CEP290: variants seen among roughly 807,000 people sequenced by gnomAD.
CEP290 encodes centrosomal protein of 290 kDa.
In CEP290, 317 loss-of-function variants were observed where a neutral mutation model predicts 344.9. The observed-to-expected ratio is 0.92, with a 90% CI of 0.84 to 1.01. The LOEUF (loss-of-function observed/expected upper bound fraction) is 1.01, where lower values mean the gene tolerates loss of function less well. Among genes scored for constraint, CEP290 ranks in the 50% least tolerant of loss-of-function variants. CEP290 has a pLI of 0.00. For missense variants in CEP290, 2,754 were observed against 2,761.4 expected (o/e 1.00, Z 0.06); for synonymous variants, 932 against 895.8 (o/e 1.04, Z -0.72).
chr12:88,061,316 CAG>C (rs1399477699), intron 46 of CEP290, among the ~76,000 whole-genome samples: 3 of 152,086 alleles, frequency 2.0e-5, no homozygotes, highest in South Asian at 4.1e-4. Flanking sequence ...TCCAGTATAT[CAG>C]AGTTTTTCTT....
chr12:88,063,833 C>T, intron 45 of CEP290, 148 bp downstream of exon 45: 2 of 646,388 alleles, frequency 3.1e-6, no homozygotes, highest in Non-Finnish European at 4.9e-6. Flanking sequence ...CAAATAAATG[C>T]TAAAGAGCAA....
chr12:88,115,804 C>G, intron 18 of CEP290: 2 of 984,182 alleles, frequency 2.0e-6, no homozygotes, highest in Non-Finnish European at 2.4e-6. Context: ...CGTAACTGTT[C>G]TATAAGATTT....
intron 26 of CEP290, among the ~76,000 whole-genome samples, 156 bp from the exon 27 acceptor site, chr12:88,097,155 TACAA>T (rs986480539): frequency 2.0e-4 from 31 of 152,122 alleles, no homozygotes; most frequent in African/African-American, 4.1e-4. Context: ...CATGTATGCA[TACAA>T]ACACATACAT....
chr12:88,050,066 A>G (rs886413079), intron 53 of CEP290: 2 of 232,512 alleles, frequency 8.6e-6, no homozygotes, highest in Admixed American at 5.9e-5. Flanking sequence ...CAAAAAAAAA[A>G]TAAAGACACT....
rs1465414886 is a variant in CEP290 at position 88,118,660 on chromosome 12, G to A, written c.1606C>T (p.Gln536Ter). The change falls in exon 16 of 54, where the codon CAG becomes TAG. Residue 536 changes from glutamine to a stop codon, truncating the protein, a stop_gained. Coordinates refer to ENST00000552810, the MANE Select transcript of CEP290 (RefSeq NM_025114.4). LOFTEE classifies it high-confidence loss of function. ...ACACTTGCCTCTTTCAAAAGAATCTGGTTTTCAGCTCTGTACTGCTGCTGT... is the reference window on the plus strand; with the variant it reads ...ACACTTGCCTCTTTCAAAAGAATCTAGTTTTCAGCTCTGTACTGCTGCTGT... ...LKQQQYRAEN[Q>*]ILLKEIESLE... 1 of 1,613,050 alleles carries A rather than the reference G, an allele frequency of 6.2e-7. No individual in the cohort carries two copies.
intron 46 of CEP290, 144 bp from the exon 47 acceptor site, chr12:88,061,138 TTCTA>T: frequency 1.7e-6 from 1 of 585,354 alleles, no homozygotes; most frequent in Non-Finnish European, 2.7e-6. Flanking sequence ...CTTAAAACAA[TTCTA>T]TGAGATAGGA....
At chr12:88,132,636 GT>G (rs1449555886) in intron 6 of CEP290, among the ~76,000 whole-genome samples, 2 of 152,264 alleles carry the variant, frequency 1.3e-5, no homozygotes, top group East Asian at 3.9e-4. Flanking sequence ...ACATGTGTGT[GT>G]AAAAATACTG....
chr12:88,120,970 C>G, intron 14 of CEP290, 27 bp downstream of exon 14: 1 of 1,591,536 alleles, frequency 6.3e-7, no homozygotes, highest in South Asian at 1.1e-5. Flanking sequence ...TTCTAAGCTC[C>G]TTGAATGACA....
chr12:88,134,866 GC>G (rs1366981186), intron 6 of CEP290, among the ~76,000 whole-genome samples: 5 of 152,102 alleles, frequency 3.3e-5, no homozygotes, highest in African/African-American at 1.2e-4. Flanking sequence ...CTAGGTCTTA[GC>G]AAATGCTATA....
In CEP290 at chr12:88,083,921, CT is replaced by C. The variant is rs1304430926; in HGVS notation, c.4737del (p.Asp1580ThrfsTer9). ...EQREIVKKHE[E>X]DLHILHHRLE... is the part of the protein sequence containing the mutation. ...AATCTGTGATGAAGAATATGAAGGT[CT>C]TCCTCATGTTTCTTCACAATTTCTC... On this transcript the variant is annotated frameshift_variant, in exon 36 of 54. Transcript: ENST00000552810. LOFTEE classifies it high-confidence loss of function. 1 of 1,596,604 alleles carries C rather than the reference CT, an allele frequency of 6.3e-7. No homozygotes were observed. Among genetic ancestry groups the C allele is most frequent in the Admixed American group, 1.7e-5 (1 of 57,904 alleles).
In CEP290 at chr12:88,083,831, G is replaced by C. The variant is rs1477097218; in HGVS notation, c.4812+16C>G. Reference sequence around the variant, plus strand: ...AAAAATCAATAAAGAATGGAACAAAGTTCTTAGAATCTTACCCAAGCCGTT... The same window carrying C: ...AAAAATCAATAAAGAATGGAACAAACTTCTTAGAATCTTACCCAAGCCGTT... On this transcript the variant is annotated intron_variant, in intron 36 of 53. Transcript: ENST00000552810. The C allele has an allele frequency of 2.1e-6, 3 of 1,462,550 alleles. No homozygotes were observed. The highest frequency in any genetic ancestry group is 1.9e-6 in the Non-Finnish European group (2 of 1,068,090). The allele number at this position is 1,462,550 out of a possible 1,614,324, so 90.6% of individuals were successfully genotyped here. A position where few individuals can be genotyped will look rare whatever the true frequency, so the allele number is the denominator to read the frequency against.
In CEP290 at chr12:88,120,219, T is replaced by G; in HGVS notation, c.1417A>C (p.Lys473Gln). The G allele has an allele frequency of 6.6e-7, 1 of 1,514,060 alleles. No individual in the cohort carries two copies. The highest frequency in any genetic ancestry group is 8.9e-7 in the Non-Finnish European group (1 of 1,125,316). 93.8% of individuals were successfully genotyped at this position (1,514,060 alleles called of 1,614,324 possible). A position where few individuals can be genotyped will look rare whatever the true frequency, so the allele number is the denominator to read the frequency against. ...VEIKNCKNQI[K>Q]IRDREIEILT... ...ATTTCAATCTCTCGATCTCTTATTT[T>G]AATTTGGTTTTTACAATTCTTTATT... is the stretch of plus-strand genomic sequence containing the variant. Residue 473 changes from lysine (K) to glutamine (Q), a missense_variant, in exon 15 of 54, where the codon AAA becomes CAA. By Grantham distance (53) the Lys-to-Gln change is moderately conservative. Transcript: ENST00000552810.
At chr12:88,070,791 G>A (rs2035313585) in intron 43 of CEP290, among the ~76,000 whole-genome samples, 3 of 152,090 alleles carry the variant, frequency 2.0e-5, no homozygotes, top group Non-Finnish European at 2.9e-5. Context: ...AGGAGCTCAA[G>A]AAAGGGACCC....
chr12:88,057,424 G>C (rs1044136054), intron 49 of CEP290, among the ~76,000 whole-genome samples: 4 of 152,174 alleles, frequency 2.6e-5, no homozygotes, highest in Non-Finnish European at 5.9e-5. Flanking sequence ...GTCCACATGT[G>C]ATTATAGAAG....
intron 23 of CEP290, among the ~76,000 whole-genome samples, chr12:88,108,262 A>T (rs943176937): frequency 6.6e-6 from 1 of 152,160 alleles, no homozygotes; most frequent in African/African-American, 2.4e-5. Context: ...TGGACATGTG[A>T]TCCAATTCTA....
intron 27 of CEP290, among the ~76,000 whole-genome samples, chr12:88,094,218 T>C (rs1010169393): frequency 3.3e-5 from 5 of 151,956 alleles, no homozygotes; most frequent in African/African-American, 9.7e-5. Flanking sequence ...AAAAAACCTA[T>C]TCCTCACAGA....
At chr12:88,061,129 T>G in intron 46 of CEP290, 135 bp from the exon 47 acceptor site, 1 of 607,446 alleles carries the variant, frequency 1.6e-6, no homozygotes, top group Non-Finnish European at 2.6e-6. Context: ...CAATTCATCC[T>G]TAAAACAATT....
rs892332342 is a variant in CEP290 at position 88,128,824 on chromosome 12, A to T, written c.942+122T>A. On this transcript the variant is annotated intron_variant, in intron 11 of 53. Coordinates refer to ENST00000552810, the MANE Select transcript of CEP290 (RefSeq NM_025114.4). The stretch of plus-strand genomic sequence containing the variant: ...TCTAACCAATAAATAAAATAAACTT[A>T]TGTTTAAAAACCCTAATAAACGTGT... 5 of 546,688 alleles carry T rather than the reference A, an allele frequency of 9.1e-6. No individual in the cohort carries two copies. In the African/African-American group the frequency reaches 1.0e-4, roughly 11 times the overall value. The allele number at this position is 546,688 out of a possible 1,614,324, so 33.9% of individuals were successfully genotyped here.
chr12:88,065,596 C>T (rs2034858060), intron 44 of CEP290, among the ~76,000 whole-genome samples: 1 of 152,154 alleles, frequency 6.6e-6, no homozygotes, highest in Non-Finnish European at 1.5e-5. Context: ...TCCCTGAGCT[C>T]TTCTATCTCC....
Sources: allele counts gnomAD v4.1 joint callset (sites outside exome capture counted in the v4.1 genomes callset), GRCh38; gene constraint gnomAD v4.1.1; transcripts MANE v1.5; gene names NCBI Gene and HGNC (gene_info 2026-07-23, HGNC 2026-07-21).